PARD3: variants seen among roughly 807,000 people sequenced by gnomAD.
PARD3 encodes the protein partitioning defective 3 homolog.
Under a neutral mutation model 155.4 loss-of-function variants are expected in PARD3, and 75 were observed. The ratio of observed to expected loss-of-function variants is 0.48; its 90% CI spans 0.40 to 0.58. The LOEUF (loss-of-function observed/expected upper bound fraction) is 0.58. Ranked by LOEUF, PARD3 falls within the 20% of genes least tolerant of loss-of-function variation. The pLI is 0.00. For missense variants in PARD3, 1,642 were observed against 1,721.7 expected (o/e 0.95, Z 0.82); for synonymous variants, 576 against 610.5 (o/e 0.94, Z 0.83).
At position 34,378,019 on chromosome 10, in the gene PARD3, C is replaced by G. The variant is rs12570964; in HGVS notation, c.1487G>C (p.Arg496Pro). The change falls in exon 10 of 25, where the codon CGG (arginine) becomes CCG (proline). Residue 496 changes from arginine to proline, a missense_variant. By Grantham distance (103) the Arg-to-Pro change is moderately radical (BLOSUM62 -2). Around this residue, in one of 3 missense-constraint regions of PARD3, gnomAD observed 1,529 missense variants for 1,587.3 expected, o/e 0.96. Coordinates refer to ENST00000374788, the MANE Select transcript of PARD3 (RefSeq NM_001184785.2). ...APIYVKNILP[R>P]GAAIQDGRLK... ...TCGGCCATCCTGAATGGCCGCCCCC[C>G]GGGGGAGAATGTTTTTCACATAGAT... 2 of 1,586,368 alleles carry G rather than the reference C, an allele frequency of 1.3e-6. No homozygotes were observed. The highest frequency in any genetic ancestry group is 1.7e-6 in the Non-Finnish European group (2 of 1,168,946).
intron 2 of PARD3, among the ~76,000 whole-genome samples, chr10:34,687,912 C>T (rs74359722): frequency 0.018 from 2,156 of 122,336 alleles, 26 homozygotes; most frequent in Non-Finnish European, 0.025. Flanking sequence ...TTGAGTAGAG[C>T]AGCGTGATCA....
At chr10:34,686,436 TAA>T (rs71033335) in intron 2 of PARD3, among the ~76,000 whole-genome samples, 230 of 146,954 alleles carry the variant, frequency 1.6e-3, no homozygotes, top group Admixed American at 1.3e-3. Context: ...AGAACTCCCT[TAA>T]AAAAAAAAAA....
At chr10:34,157,774 C>T (rs955634670) in intron 22 of PARD3, among the ~76,000 whole-genome samples, 1 of 152,086 alleles carries the variant, frequency 6.6e-6, no homozygotes, top group African/African-American at 2.4e-5. Context: ...GGTTCTGATA[C>T]ACATAAAACG....
At chr10:34,672,106 T>C (rs573165202) in intron 2 of PARD3, among the ~76,000 whole-genome samples, 1 of 152,206 alleles carries the variant, frequency 6.6e-6, no homozygotes, top group South Asian at 2.1e-4. Context: ...AGTTCGAGGC[T>C]GCAGTGAGCC....
rs146768989 is a variant in PARD3 at position 34,489,840 on chromosome 10, A to G, written c.404-19577T>C. Among the ~76,000 whole-genome samples, 349 of 152,362 alleles carry G rather than the reference A, an allele frequency of 2.3e-3. 4 individuals are homozygous for G. Among genetic ancestry groups the G allele is most frequent in the African/African-American group, 7.5e-3 (313 of 41,592 alleles). ...TCATGACTGATCAAATCCTCAGAAT[A>G]AGGCTATAAAATAGGTTCTATTATT... is the stretch of plus-strand genomic sequence containing the variant. On this transcript the variant is annotated intron_variant, in intron 3 of 24. Transcript: ENST00000374788.
intron 1 of PARD3, among the ~76,000 whole-genome samples, chr10:34,752,537 GA>G (rs111662023): frequency 0.041 from 5,588 of 136,886 alleles, 124 homozygotes; most frequent in Non-Finnish European, 0.055. Flanking sequence ...CTTGTGGGGA[GA>G]AAAAAAAAAA....
intron 3 of PARD3, among the ~76,000 whole-genome samples, chr10:34,508,065 C>T (rs1336462962): frequency 6.6e-6 from 1 of 151,968 alleles, no homozygotes; most frequent in African/African-American, 2.4e-5. Flanking sequence ...TATATGCTTG[C>T]TAAGAAAAAA....
chr10:34,717,708 T>G (rs942501110), intron 1 of PARD3, among the ~76,000 whole-genome samples: 4 of 152,182 alleles, frequency 2.6e-5, no homozygotes, highest in Admixed American at 2.6e-4. Context: ...ATATTTACCA[T>G]GTACTCTGAC....
chr10:34,795,189 G>C (rs1842113217), intron 1 of PARD3, among the ~76,000 whole-genome samples: 1 of 152,258 alleles, frequency 6.6e-6, no homozygotes, highest in Non-Finnish European at 1.5e-5. Flanking sequence ...AGGTGCTCCA[G>C]TCAACAAGTC....
At chr10:34,530,629 T>A (rs2133793836) in intron 2 of PARD3, among the ~76,000 whole-genome samples, 1 of 152,362 alleles carries the variant, frequency 6.6e-6, no homozygotes, top group South Asian at 2.1e-4. Context: ...TTTTGTGAAG[T>A]CATTCACAAT....
rs1035251843 is a variant in PARD3, at chr10:34,385,235, G to A, written c.891-981C>T. Among the ~76,000 whole-genome samples, 3 of 152,098 alleles carry A rather than the reference G, an allele frequency of 2.0e-5. No individual in the cohort carries two copies. In the South Asian group the frequency reaches 6.2e-4, roughly 32 times the overall value. On this transcript the variant is annotated intron_variant, in intron 7 of 24. Transcript: ENST00000374788. ...TGCAACCTCCACCACCTGGGTTCAA[G>A]CGATTCTCCTGCCTCAGCCTCCTGA...
At chr10:34,598,246 G>T (rs941324638) in intron 2 of PARD3, among the ~76,000 whole-genome samples, 2 of 152,074 alleles carry the variant, frequency 1.3e-5, no homozygotes, top group Admixed American at 6.6e-5. Context: ...ATAAAAGTGA[G>T]CCTAATAAAT....
chr10:34,215,496 T>C (rs1027631910), intron 22 of PARD3, among the ~76,000 whole-genome samples: 4 of 152,238 alleles, frequency 2.6e-5, no homozygotes, highest in African/African-American at 9.6e-5. Context: ...AGCGTGGAAT[T>C]TGCTCTGTGA....
intron 20 of PARD3, among the ~76,000 whole-genome samples, chr10:34,306,755 A>T (rs1278821664): frequency 6.6e-6 from 1 of 152,354 alleles, no homozygotes; most frequent in East Asian, 1.9e-4. Context: ...ACGTATACAA[A>T]GGCAGAGACG....
chr10:34,419,290 G>A (rs1179469590), intron 5 of PARD3, among the ~76,000 whole-genome samples: 1 of 152,148 alleles, frequency 6.6e-6, no homozygotes, highest in Non-Finnish European at 1.5e-5. Flanking sequence ...AGCTGAGGCA[G>A]GCGATCACCT....
In PARD3 at chr10:34,399,404, T is replaced by A; in HGVS notation, c.816A>T (p.Val272=). The A allele has an allele frequency of 6.2e-7, 1 of 1,606,954 alleles. No individual in the cohort carries two copies. The highest frequency in any genetic ancestry group is 8.5e-7 in the Non-Finnish European group (1 of 1,173,578). Residue 272 remains valine (V), a synonymous_variant, in exon 7 of 25, where the codon GTA becomes GTT. Transcript: ENST00000374788. ...HIPNFSLDDM[V]KLVEVPNDGG... is the part of the protein sequence containing the mutation. Reference sequence around the variant, plus strand: ...CATCGTTGGGGACTTCTACGAGCTTTACCATATCACTGTGAGACAATGATG... The same window carrying A: ...CATCGTTGGGGACTTCTACGAGCTTAACCATATCACTGTGAGACAATGATG...
At chr10:34,494,152 A>G (rs967958223) in intron 3 of PARD3, among the ~76,000 whole-genome samples, 1 of 152,226 alleles carries the variant, frequency 6.6e-6, no homozygotes, top group Non-Finnish European at 1.5e-5. Context: ...AGGATTATGT[A>G]GCAACTCTAT....
At chr10:34,346,178 G>A in intron 15 of PARD3, 1 of 1,101,570 alleles carries the variant, frequency 9.1e-7, no homozygotes, top group Non-Finnish European at 1.1e-6. Flanking sequence ...AGAAGGAAGA[G>A]GAAACAATGT....
At chr10:34,693,596 C>G (rs368937789) in intron 2 of PARD3, among the ~76,000 whole-genome samples, 2 of 152,108 alleles carry the variant, frequency 1.3e-5, no homozygotes, top group South Asian at 4.1e-4. Flanking sequence ...AAAAAATTAG[C>G]CTATTGGGTA....
Sources: allele counts gnomAD v4.1 joint callset (sites outside exome capture counted in the v4.1 genomes callset), GRCh38; gene constraint gnomAD v4.1.1; regional missense constraint gnomAD v4.1.1; transcripts MANE v1.5; gene names NCBI Gene and HGNC (gene_info 2026-07-23, HGNC 2026-07-21).